The following IER2 variants were observed in gnomAD, a reference collection of about 807,000 sequenced individuals.
IER2 encodes immediate early response gene 2 protein.
For missense variants in IER2, 372 were observed against 325.4 expected (o/e 1.14, Z -1.10); for synonymous variants, 198 against 149.6 (o/e 1.32, Z -2.36).
rs369987470 is a variant in IER2 at position 13,150,938 on chromosome 19, C to T, written c.-244+386C>T. 6.6e-6 allele frequency among the ~76,000 whole-genome samples: 1 copy of T among 151,778 alleles called. No homozygotes were observed. Among genetic ancestry groups the T allele is most frequent in the Non-Finnish European group, 1.5e-5 (1 of 67,948 alleles). Reference sequence around the variant, plus strand: ...GTGGAGGTGGGTTTCTTCAGAAGCGCGGAGTCTTTCTGGGTGCGAGCCTGG... The same window carrying T: ...GTGGAGGTGGGTTTCTTCAGAAGCGTGGAGTCTTTCTGGGTGCGAGCCTGG... On this transcript the variant is annotated intron_variant, in intron 1 of 1. Transcript: ENST00000292433. This position sits in a 1 kb window ranked among gnomAD's most constrained non-coding sequence, Gnocchi z 4.0.
At position 13,153,129 on chromosome 19, in the gene IER2, A is replaced by G; in HGVS notation, c.-58A>G. On this transcript the variant is annotated 5_prime_UTR_variant, in exon 2 of 2. Coordinates refer to ENST00000292433, the MANE Select transcript of IER2 (RefSeq NM_004907.3). The stretch of plus-strand genomic sequence containing the variant: ...TGAGCGAGCCCGTTGTCCGGAGTGC[A>G]CCTGCTGCCTGTTCTGTCCCTCCCG... The G allele has an allele frequency of 3.8e-6, 5 of 1,322,690 alleles. No homozygotes were observed. The highest frequency in any genetic ancestry group is 1.5e-5 in the South Asian group (1 of 65,794). The allele number at this position is 1,322,690 out of a possible 1,614,324, so 81.9% of individuals were successfully genotyped here. A position where few individuals can be genotyped will look rare whatever the true frequency, so the allele number is the denominator to read the frequency against.
In IER2 at chr19:13,154,215, T is replaced by C; in HGVS notation, c.*357T>C. 3.5e-6 allele frequency: 1 copy of C among 283,546 alleles called. No individual in the cohort carries two copies. The highest frequency in any genetic ancestry group is 6.9e-6 in the Non-Finnish European group (1 of 144,134). 17.6% of individuals were successfully genotyped at this position (283,546 alleles called of 1,614,324 possible). On this transcript the variant is annotated 3_prime_UTR_variant, in exon 2 of 2. Transcript: ENST00000292433. ...TGTGTTTTTTGTTTTGTTTGTTTGT[T>C]TGTTTTTAAAGATCTCCTCAGGGTC...
rs928242698 is a variant in IER2 at position 13,154,120 on chromosome 19, G to A, written c.*262G>A. 3 of 471,662 alleles carry A rather than the reference G, an allele frequency of 6.4e-6. No individual in the cohort carries two copies. The highest frequency in any genetic ancestry group is 2.1e-5 in the African/African-American group (1 of 48,448). The allele number at this position is 471,662 out of a possible 1,614,324, so 29.2% of individuals were successfully genotyped here. A position where few individuals can be genotyped will look rare whatever the true frequency, so the allele number is the denominator to read the frequency against. On this transcript the variant is annotated 3_prime_UTR_variant, in exon 2 of 2. Coordinates refer to ENST00000292433, the MANE Select transcript of IER2 (RefSeq NM_004907.3). ...TCCGCAGAGACCTGCGCCCACAGGT[G>A]CTGTCTTAGTGGACTGGGACGTGAA...
At position 13,154,028 on chromosome 19, in the gene IER2, C is replaced by T. The variant is rs577515272; in HGVS notation, c.*170C>T. 2.3e-5 allele frequency: 14 copies of T among 596,646 alleles called. No individual in the cohort carries two copies. The African/African-American group carries it at 2.6e-4, about 11-fold the overall frequency. The allele number at this position is 596,646 out of a possible 1,614,324, so 37.0% of individuals were successfully genotyped here. On this transcript the variant is annotated 3_prime_UTR_variant, in exon 2 of 2. Coordinates refer to ENST00000292433, the MANE Select transcript of IER2 (RefSeq NM_004907.3). ...GAGGCCCGGAGAGGGACTCTGTCCCCGGGGAGCCATCGCCTTCAGTGTGCA... is the reference window on the plus strand; with the variant it reads ...GAGGCCCGGAGAGGGACTCTGTCCCTGGGGAGCCATCGCCTTCAGTGTGCA...
chr19:13,153,937 C>T lies in IER2; in HGVS notation c.*79C>T, dbSNP rs567734015. ...AGGGCGCAGACCTGAGGCGAGGCCACCCCCCTCCATCCTGGGGGAAGCGCC... is the reference window on the plus strand; with the variant it reads ...AGGGCGCAGACCTGAGGCGAGGCCATCCCCCTCCATCCTGGGGGAAGCGCC... On this transcript the variant is annotated 3_prime_UTR_variant, in exon 2 of 2. Coordinates refer to ENST00000292433, the MANE Select transcript of IER2 (RefSeq NM_004907.3). 8.9e-3 allele frequency: 11,024 copies of T among 1,244,754 alleles called. 60 individuals are homozygous for T. The highest frequency in any genetic ancestry group is 0.011 in the Non-Finnish European group (9,982 of 943,880). The allele number at this position is 1,244,754 out of a possible 1,614,324, so 77.1% of individuals were successfully genotyped here.
chr19:13,153,781 G>T lies in IER2; in HGVS notation c.595G>T (p.Ala199Ser), dbSNP rs756737647. The T allele has an allele frequency of 6.5e-7, 1 of 1,545,808 alleles. No homozygotes were observed. The highest frequency in any genetic ancestry group is 1.2e-5 in the South Asian group (1 of 84,582). ...SPAAPPTAPP[A>S]CEAKPACRPA... ...CGCGGCCCCTCCGACGGCGCCGCCC[G>T]CGTGCGAGGCAAAGCCCGCTTGCCG... Residue 199 changes from alanine to serine, a missense_variant, in exon 2 of 2, where the codon GCG becomes TCG. Transcript: ENST00000292433.
intron 1 of IER2, chr19:13,152,260 C>T (rs1014867753): frequency 1.3e-5 from 2 of 152,178 alleles, no homozygotes; most frequent in Non-Finnish European, 1.5e-5. Flanking sequence ...GCGCCGGGTT[C>T]GCAGCCGTGC....
At chr19:13,151,753 C>A (rs1027367376) in intron 1 of IER2, among the ~76,000 whole-genome samples, 6 of 150,926 alleles carry the variant, frequency 4.0e-5, no homozygotes, top group Non-Finnish European at 8.9e-5. Flanking sequence ...CTGCCCGGGT[C>A]GGGGATGGGG....
At position 13,153,351 on chromosome 19, in the gene IER2, C is replaced by G; in HGVS notation, c.165C>G (p.Leu55=). The G allele has an allele frequency of 1.3e-6, 2 of 1,598,188 alleles. No individual in the cohort carries two copies. The highest frequency in any genetic ancestry group is 1.7e-6 in the Non-Finnish European group (2 of 1,173,568). Reference sequence around the variant, plus strand: ...ACCTCTCGGCCAAGGTGGAGGCCCTCGAGCCCGAGGTGTCGTTGCCGGCCG... The same window carrying G: ...ACCTCTCGGCCAAGGTGGAGGCCCTGGAGCCCGAGGTGTCGTTGCCGGCCG... ...ELYLSAKVEA[L]EPEVSLPAAL... is the part of the protein sequence containing the mutation. Residue 55 remains leucine, a synonymous_variant, in exon 2 of 2, where the codon CTC becomes CTG. Coordinates refer to ENST00000292433, the MANE Select transcript of IER2 (RefSeq NM_004907.3).
intron 1 of IER2, chr19:13,151,950 C>A (rs897733320): frequency 1.3e-5 from 2 of 152,330 alleles, no homozygotes; most frequent in South Asian, 2.1e-4. Context: ...GGCGGGAAGG[C>A]GCCGCGAGCC....
chr19:13,150,454 T>C lies in IER2; in HGVS notation c.-342T>C, dbSNP rs1252388980. On this transcript the variant is annotated 5_prime_UTR_variant, in exon 1 of 2. Transcript: ENST00000292433. The surrounding 1 kb of genome is among the most constrained non-coding windows in gnomAD (Gnocchi z 4.0). Reference sequence around the variant, plus strand: ...CGTAGGGGGCGGTGTCGGAGTTCTGTCTGGGCCTATTCGGGTCCGAGTTCG... The same window carrying C: ...CGTAGGGGGCGGTGTCGGAGTTCTGCCTGGGCCTATTCGGGTCCGAGTTCG... 2 of 420,440 alleles carry C rather than the reference T, an allele frequency of 4.8e-6. No individual in the cohort carries two copies. The highest frequency in any genetic ancestry group is 3.0e-5 in the South Asian group (1 of 33,060). 26.0% of individuals were successfully genotyped at this position (420,440 alleles called of 1,614,324 possible). A position where few individuals can be genotyped will look rare whatever the true frequency, so the allele number is the denominator to read the frequency against.
At position 13,154,151 on chromosome 19, in the gene IER2, C is replaced by T. The variant is rs1223343055; in HGVS notation, c.*293C>T. 9.6e-6 allele frequency: 4 copies of T among 416,062 alleles called. No individual in the cohort carries two copies. The highest frequency in any genetic ancestry group is 1.8e-5 in the Non-Finnish European group (4 of 227,324). The allele number at this position is 416,062 out of a possible 1,614,324, so 25.8% of individuals were successfully genotyped here. Reference sequence around the variant, plus strand: ...TTAGTGGACTGGGACGTGAACCTTTCGCTCTCCTTCTGGACTGGGAGAAGG... The same window carrying T: ...TTAGTGGACTGGGACGTGAACCTTTTGCTCTCCTTCTGGACTGGGAGAAGG... On this transcript the variant is annotated 3_prime_UTR_variant, in exon 2 of 2. Transcript: ENST00000292433.
In IER2 at chr19:13,151,782, C is replaced by A. The variant is rs993072472; in HGVS notation, c.-243-1162C>A. Among the ~76,000 whole-genome samples the A allele has an allele frequency of 6.2e-5, 9 of 145,830 alleles. No individual in the cohort carries two copies. The East Asian group carries it at 1.8e-3, about 29-fold the overall frequency. On this transcript the variant is annotated intron_variant, in intron 1 of 1. Coordinates refer to ENST00000292433, the MANE Select transcript of IER2 (RefSeq NM_004907.3). ...GATGGGGAGGGGCGTGGCCGGAGCG[C>A]AAAGCCCCGCCCCTCCGCGCCCCCC...
intron 1 of IER2, chr19:13,152,224 C>G (rs1305441655): frequency 6.6e-6 from 1 of 152,234 alleles, no homozygotes; most frequent in African/African-American, 2.4e-5. Flanking sequence ...GGGGCGGCAG[C>G]CACGTGTTCA....
intron 1 of IER2, among the ~76,000 whole-genome samples, chr19:13,151,804 C>CT (rs1555724831): frequency 7.9e-6 from 1 of 126,946 alleles, no homozygotes; most frequent in African/African-American, 2.5e-5. Flanking sequence ...CCTCCGCGCC[C>CT]CCCCCCCGGA....
At position 13,153,067 on chromosome 19, in the gene IER2, C is replaced by G; in HGVS notation, c.-120C>G. Reference sequence around the variant, plus strand: ...CGGGCGCCTGGGCAGAGCGTCCTAGCAGTGTCACTGCGTGGGTTGGTTTGT... The same window carrying G: ...CGGGCGCCTGGGCAGAGCGTCCTAGGAGTGTCACTGCGTGGGTTGGTTTGT... On this transcript the variant is annotated 5_prime_UTR_variant, in exon 2 of 2. Transcript: ENST00000292433. 1 of 689,760 alleles carries G rather than the reference C, an allele frequency of 1.4e-6. No homozygotes were observed. The highest frequency in any genetic ancestry group is 2.3e-6 in the Non-Finnish European group (1 of 437,784). The allele number at this position is 689,760 out of a possible 1,614,324, so 42.7% of individuals were successfully genotyped here.
intron 1 of IER2, chr19:13,152,126 T>G (rs1024760361): frequency 1.3e-5 from 2 of 152,218 alleles, no homozygotes; most frequent in African/African-American, 4.8e-5. Flanking sequence ...ATTTTCTATC[T>G]GCTCTGTCTC....
rs1475242441 is a variant in IER2 at position 13,153,296 on chromosome 19, C to T, written c.110C>T (p.Ser37Leu). 15 of 1,604,718 alleles carry T rather than the reference C, an allele frequency of 9.3e-6. No homozygotes were observed. Among genetic ancestry groups the T allele is most frequent in the Non-Finnish European group, 1.3e-5 (15 of 1,176,102 alleles). ...GLRLHRSLQL[S>L]LVMRSARELY... The stretch of plus-strand genomic sequence containing the variant: ...CGGCTGCACCGGAGTCTGCAGCTGT[C>T]GCTGGTCATGCGCAGCGCCCGGGAG... Residue 37 changes from serine (S) to leucine (L), a missense_variant, in exon 2 of 2, where the codon TCG becomes TTG. By Grantham distance (145) the Ser-to-Leu change is moderately radical. Transcript: ENST00000292433.
rs1269289318 is a variant in IER2, at chr19:13,153,632, A to T, written c.446A>T (p.Glu149Val). Reference sequence around the variant, plus strand: ...GCCCGTCTGGAAGAAAAGGAAGAAGAGGAGGGAGCGTCATCCGAAGTCGCC... The same window carrying T: ...GCCCGTCTGGAAGAAAAGGAAGAAGTGGAGGGAGCGTCATCCGAAGTCGCC... ...KKARLEEKEEEEGASSEVADR... is the reference protein window; with the variant it reads ...KKARLEEKEEVEGASSEVADR... The change falls in exon 2 of 2, where the codon GAG becomes GTG. Residue 149 changes from glutamate (E) to valine (V), a missense_variant. Glu to Val is a moderately radical substitution (Grantham distance 121). Coordinates refer to ENST00000292433, the MANE Select transcript of IER2 (RefSeq NM_004907.3). 2 of 1,613,190 alleles carry T rather than the reference A, an allele frequency of 1.2e-6. No homozygotes were observed. Among genetic ancestry groups the T allele is most frequent in the Non-Finnish European group, 1.7e-6 (2 of 1,179,692 alleles).
Sources: gnomAD v4.1 joint callset for allele counts (sites outside exome capture counted in the v4.1 genomes callset) on GRCh38, gnomAD v4.1.1 for gene constraint, Gnocchi (gnomAD v3.1) non-coding constraint, MANE v1.5 for transcripts, NCBI Gene and HGNC (gene_info 2026-07-23, HGNC 2026-07-21) for gene names.